The following SULF2 variants were observed in gnomAD, a reference collection of about 807,000 sequenced individuals.
SULF2 encodes the protein extracellular sulfatase Sulf-2.
Under a neutral mutation model 107.7 loss-of-function variants are expected in SULF2, and 52 were observed. The ratio of observed to expected loss-of-function variants is 0.48; its 90% confidence interval spans 0.39 to 0.61. SULF2 has a LOEUF of 0.61. SULF2 is among the 20% of genes least tolerant of loss of function. The pLI is 0.00. For missense variants in SULF2, 993 were observed against 1,177.3 expected (o/e 0.84, Z 2.29); for synonymous variants, 460 against 464.3 (o/e 0.99, Z 0.12).
At chr20:47,745,440 TATATATATATATATATACAC>T (rs1353666759) in intron 2 of SULF2, among the ~76,000 whole-genome samples, 1,638 of 12,464 alleles carry the variant, frequency 0.13, 158 homozygotes, top group Non-Finnish European at 0.16. Flanking sequence ...TATATATATA[TATATATATATATATATACAC>T]ATACACACAC....
At chr20:47,659,632 A>G in intron 19 of SULF2, 65 bp downstream of exon 19, 1 of 1,454,410 alleles carries the variant, frequency 6.9e-7, no homozygotes, top group Non-Finnish European at 9.6e-7. Context: ...ACTCACAGAG[A>G]TGAGACTGAA....
intron 2 of SULF2, among the ~76,000 whole-genome samples, chr20:47,756,794 C>T (rs543297946): frequency 1.4e-4 from 21 of 152,162 alleles, no homozygotes; most frequent in African/African-American, 4.8e-4. Flanking sequence ...TACAGGTGTG[C>T]GCCATCATGC....
chr20:47,766,859 C>T (rs2090537710), intron 1 of SULF2, among the ~76,000 whole-genome samples: 1 of 151,350 alleles, frequency 6.6e-6, no homozygotes, highest in Non-Finnish European at 1.5e-5. Flanking sequence ...TTTTGTATGT[C>T]AAGTGGGTAG....
chr20:47,721,773 C>A (rs1002566386), intron 3 of SULF2, among the ~76,000 whole-genome samples: 2 of 152,200 alleles, frequency 1.3e-5, no homozygotes, highest in African/African-American at 2.4e-5. Flanking sequence ...AGGGAGGGAA[C>A]CAATCTTTCC....
rs1381947314 is a variant in SULF2 at position 47,754,575 on chromosome 20, A to AGT, written c.175+2612_175+2613dup. ...TTGTAGGCCCTAATCTATGCTGTGTAGTGCTATTGGGCAAGAGCTGACACA... is the reference window on the plus strand; with the variant it reads ...TTGTAGGCCCTAATCTATGCTGTGTAGTGTGCTATTGGGCAAGAGCTGACACA... On this transcript the variant is annotated intron_variant, in intron 2 of 20. Transcript: ENST00000688720. Among the ~76,000 whole-genome samples, 7 of 152,284 alleles carry AGT rather than the reference A, an allele frequency of 4.6e-5. No homozygotes were observed. In the East Asian group the frequency reaches 1.2e-3, roughly 25 times the overall value.
Position 47,666,415 on chromosome 20 carries a change from G to A in SULF2, c.1650C>T (p.His550=), listed in dbSNP as rs1210373072. 11 of 1,613,816 alleles carry A rather than the reference G, an allele frequency of 6.8e-6. No homozygotes were observed. The highest frequency in any genetic ancestry group is 2.7e-5 in the African/African-American group (2 of 74,940). ...GCTGGGCGGCATCACCCAGGCCTACGTGGTACACCCTGCCGTCCACCTCGA... is the reference window on the plus strand; with the variant it reads ...GCTGGGCGGCATCACCCAGGCCTACATGGTACACCCTGCCGTCCACCTCGA... The part of the protein sequence containing the change: ...VAIEVDGRVY[H]VGLGDAAQPR... The change falls in exon 12 of 21, where the codon CAC becomes CAT. Residue 550 remains histidine, a synonymous_variant. Coordinates refer to ENST00000688720, the MANE Select transcript of SULF2 (RefSeq NM_001387048.1). This position sits in a 1 kb window ranked among gnomAD's most constrained non-coding sequence, Gnocchi z 5.4.
intron 11 of SULF2, among the ~76,000 whole-genome samples, chr20:47,668,147 T>C (rs1364597512): frequency 6.6e-6 from 1 of 152,178 alleles, no homozygotes; most frequent in African/African-American, 2.4e-5. Flanking sequence ...GCGTGTCCTC[T>C]CCACTCCTTT....
intron 3 of SULF2, among the ~76,000 whole-genome samples, chr20:47,726,271 T>C (rs1475458020): frequency 3.9e-5 from 6 of 152,168 alleles, no homozygotes; most frequent in Non-Finnish European, 5.9e-5. Flanking sequence ...AGTGGTGTGA[T>C]CATGGCTTAC....
intron 1 of SULF2, among the ~76,000 whole-genome samples, chr20:47,780,086 G>A (rs966258947): frequency 1.4e-5 from 2 of 142,720 alleles, no homozygotes; most frequent in African/African-American, 2.6e-5. Flanking sequence ...GTGTGATCCC[G>A]GCTCACAGCA....
At chr20:47,764,559 A>G (rs1290553906) in intron 1 of SULF2, among the ~76,000 whole-genome samples, 1 of 152,182 alleles carries the variant, frequency 6.6e-6, no homozygotes, top group Non-Finnish European at 1.5e-5. Context: ...ATGTGACCCA[A>G]GTCTGGCCAA....
chr20:47,696,813 T>C (rs1336673339), intron 4 of SULF2, among the ~76,000 whole-genome samples: 1 of 152,166 alleles, frequency 6.6e-6, no homozygotes, highest in African/African-American at 2.4e-5. Context: ...GCTCAGGACA[T>C]AAGGCAGACC....
At chr20:47,752,244 T>C (rs1178837732) in intron 2 of SULF2, among the ~76,000 whole-genome samples, 2 of 152,110 alleles carry the variant, frequency 1.3e-5, no homozygotes, top group Non-Finnish European at 2.9e-5. Context: ...ATATGACAGG[T>C]GCCAGGTATT....
intron 4 of SULF2, among the ~76,000 whole-genome samples, chr20:47,695,971 CTCT>C (rs1365904167): frequency 1.3e-5 from 2 of 152,184 alleles, no homozygotes; most frequent in Non-Finnish European, 2.9e-5. Flanking sequence ...GTGAAAAATG[CTCT>C]TCTTTTGATT....
intron 1 of SULF2, among the ~76,000 whole-genome samples, chr20:47,772,544 G>T (rs77610744): frequency 1.3e-5 from 2 of 152,190 alleles, no homozygotes; most frequent in Admixed American, 6.5e-5. Flanking sequence ...GAGTTCACGC[G>T]ATTCCCTCCT....
At chr20:47,685,308 C>G (rs761732833) in intron 5 of SULF2, 4 of 152,270 alleles carry the variant, frequency 2.6e-5, no homozygotes, top group African/African-American at 9.6e-5. Context: ...TCACTGCAAC[C>G]TCCACCTCCC....
At chr20:47,707,364 AC>A (rs1381438491) in intron 3 of SULF2, among the ~76,000 whole-genome samples, 2 of 151,902 alleles carry the variant, frequency 1.3e-5, no homozygotes, top group African/African-American at 4.8e-5. Context: ...TGCAATTATA[AC>A]CTTTTATCTC....
intron 3 of SULF2, among the ~76,000 whole-genome samples, chr20:47,734,863 G>T (rs1328724789): frequency 6.6e-6 from 1 of 152,110 alleles, no homozygotes; most frequent in Admixed American, 6.5e-5. Flanking sequence ...ACTTATTTAG[G>T]GAGACAGCTT....
At chr20:47,700,488 G>A (rs763891746) in intron 4 of SULF2, among the ~76,000 whole-genome samples, 3 of 152,132 alleles carry the variant, frequency 2.0e-5, no homozygotes, top group Non-Finnish European at 4.4e-5. Context: ...ACTAACTCAC[G>A]TGATCCTCAA....
rs2087776911 is a variant in SULF2, at chr20:47,680,167, T to A, written c.1065-1363A>T. 6.6e-6 allele frequency among the ~76,000 whole-genome samples: 1 copy of A among 152,202 alleles called. No homozygotes were observed. Among genetic ancestry groups the A allele is most frequent in the African/African-American group, 2.4e-5 (1 of 41,446 alleles). ...TCACCCAGGATGCAGTGTGGTGGCA[T>A]GATCCTGGCTCACTGCAACCTCCAC... On this transcript the variant is annotated intron_variant, in intron 7 of 20. Coordinates refer to ENST00000688720, the MANE Select transcript of SULF2 (RefSeq NM_001387048.1). This position sits in a 1 kb window ranked among gnomAD's most constrained non-coding sequence, Gnocchi z 4.2.
Sources: allele counts gnomAD v4.1 joint callset (sites outside exome capture counted in the v4.1 genomes callset), GRCh38; gene constraint gnomAD v4.1.1; non-coding constraint Gnocchi (gnomAD v3.1); transcripts MANE v1.5; gene names NCBI Gene and HGNC (gene_info 2026-07-23, HGNC 2026-07-21).